The following SASH1 variants were observed in gnomAD, a reference collection of about 807,000 sequenced individuals.
The protein encoded by SASH1 is SAM and SH3 domain containing 1.
In SASH1, 44 loss-of-function variants were observed where a neutral mutation model predicts 125.2. That is an observed-to-expected ratio of 0.35 (90% CI 0.28 to 0.45). The LOEUF (loss-of-function observed/expected upper bound fraction) is 0.45. Ranked by LOEUF, SASH1 falls within the 20% of genes least tolerant of loss-of-function variation. The pLI, the probability that SASH1 is intolerant of heterozygous loss-of-function variation, is 1.00. For synonymous variants in SASH1, 639 were observed against 649.1 expected (o/e 0.98, Z 0.24); for missense variants, 1,426 against 1,614.5 (o/e 0.88, Z 2.00).
intron 8 of SASH1, chr6:148,514,113 T>C (rs1041736943): frequency 1.6e-5 from 21 of 1,307,102 alleles, no homozygotes; most frequent in Non-Finnish European, 1.8e-5. Context: ...AGGATGTGTG[T>C]TTCCGTGCCT....
At chr6:148,543,065 T>G (rs1782328882) in intron 17 of SASH1, among the ~76,000 whole-genome samples, 1 of 152,260 alleles carries the variant, frequency 6.6e-6, no homozygotes, top group African/African-American at 2.4e-5. Context: ...CTAGGACTGT[T>G]GCTTTGCTGG....
the SASH1 span, among the ~76,000 whole-genome samples, chr6:148,234,108 G>T: frequency 6.6e-6 from 1 of 151,744 alleles, no homozygotes; most frequent in Non-Finnish European, 1.5e-5. Context: ...TGCCCTCATA[G>T]ATCACTGCAG....
intron 8 of SASH1, among the ~76,000 whole-genome samples, chr6:148,511,098 C>A (rs1780096331): frequency 6.6e-6 from 1 of 151,876 alleles, no homozygotes; most frequent in African/African-American, 2.4e-5. Flanking sequence ...TCAAGATTTA[C>A]TCTCCAGTTT....
upstream of SASH1, among the ~76,000 whole-genome samples, chr6:148,339,379 T>G (rs779724232): frequency 6.6e-6 from 1 of 151,746 alleles, no homozygotes; most frequent in Non-Finnish European, 1.5e-5. Context: ...CATCAACATT[T>G]CTCCCAAAAC....
intron 2 of SASH1, among the ~76,000 whole-genome samples, chr6:148,421,150 A>G (rs146990602): frequency 0.19 from 9,071 of 46,776 alleles, 357 homozygotes; most frequent in Middle Eastern, 0.22. Flanking sequence ...AGGAAGGAAG[A>G]AAGAAAGAAA....
chr6:148,218,746 G>A, the SASH1 span, among the ~76,000 whole-genome samples: 1 of 152,160 alleles, frequency 6.6e-6, no homozygotes, highest in East Asian at 1.9e-4. Flanking sequence ...CAGTCAGAGG[G>A]ATTTAAATCC....
At chr6:148,390,803 G>A (rs1783683656) in intron 2 of SASH1, among the ~76,000 whole-genome samples, 2 of 151,414 alleles carry the variant, frequency 1.3e-5, no homozygotes, top group African/African-American at 4.9e-5. Flanking sequence ...AAAAAAAATA[G>A]ATTTTTATTT....
intron 2 of SASH1, among the ~76,000 whole-genome samples, chr6:148,403,883 A>G (rs1309075689): frequency 6.6e-6 from 1 of 152,232 alleles, no homozygotes; most frequent in African/African-American, 2.4e-5. Context: ...TGATTCATAT[A>G]CCATAATATT....
intron 17 of SASH1, among the ~76,000 whole-genome samples, chr6:148,540,942 G>A (rs573367464): frequency 2.6e-5 from 4 of 152,240 alleles, no homozygotes; most frequent in East Asian, 1.9e-4. Context: ...CCTGAATGTC[G>A]AGGCAGTTAC....
At chr6:148,419,657 G>A (rs1419487620) in intron 2 of SASH1, among the ~76,000 whole-genome samples, 4 of 152,252 alleles carry the variant, frequency 2.6e-5, no homozygotes, top group South Asian at 2.1e-4. Context: ...CAGACCATCC[G>A]TTTTCTGCCC....
At chr6:148,503,138 A>C (rs1019349311) in intron 8 of SASH1, among the ~76,000 whole-genome samples, 1 of 152,230 alleles carries the variant, frequency 6.6e-6, no homozygotes, top group African/African-American at 2.4e-5. Flanking sequence ...TGTTTAGCAC[A>C]AACATAGATA....
intron 12 of SASH1, among the ~76,000 whole-genome samples, chr6:148,528,260 G>A (rs548693487): frequency 6.6e-6 from 1 of 152,272 alleles, no homozygotes; most frequent in South Asian, 2.1e-4. Context: ...AAGATAGTTG[G>A]AGAGCTGGGC....
chr6:148,370,081 G>A (rs12529165), intron 1 of SASH1, among the ~76,000 whole-genome samples: 4,490 of 146,950 alleles, frequency 0.031, 217 homozygotes, highest in East Asian at 0.19. Context: ...ATAACAAATA[G>A]CATTTTTCTC....
intron 7 of SASH1, 141 bp downstream of exon 7, chr6:148,474,363 A>G (rs1778250120): frequency 1.8e-6 from 1 of 557,466 alleles, no homozygotes; most frequent in Non-Finnish European, 3.2e-6. Flanking sequence ...TGATACAAAC[A>G]TTCTACTTTG....
At chr6:148,356,507 T>TTTTTTTTTTTTTG in intron 1 of SASH1, among the ~76,000 whole-genome samples, 1 of 147,640 alleles carries the variant, frequency 6.8e-6, no homozygotes, top group Admixed American at 6.8e-5. Context: ...TTTTTTTTTT[T>TTTTTTTTTTTTTG]TTTTTTTGAG....
At chr6:148,250,968 G>A in the SASH1 span, among the ~76,000 whole-genome samples, 4 of 152,310 alleles carry the variant, frequency 2.6e-5, no homozygotes, top group East Asian at 3.9e-4. Flanking sequence ...TATTCATAAT[G>A]TGTGCCTAGC....
At chr6:148,469,173 C>T (rs1167074171) in intron 5 of SASH1, 1 of 152,168 alleles carries the variant, frequency 6.6e-6, no homozygotes, top group Non-Finnish European at 1.5e-5. Context: ...CTCAATCAAC[C>T]CTGGCTGCCT....
At chr6:148,319,257 G>T (rs1350825822) in intron 1 of SASH1, among the ~76,000 whole-genome samples, 1 of 150,862 alleles carries the variant, frequency 6.6e-6, no homozygotes, top group Non-Finnish European at 1.5e-5. Flanking sequence ...GGATGGTCTT[G>T]ATCTCCTGAC....
chr6:148,283,038 CTG>C (rs1779386051), intron 1 of SASH1, among the ~76,000 whole-genome samples: 1 of 152,202 alleles, frequency 6.6e-6, no homozygotes, highest in South Asian at 2.1e-4. Context: ...CCCAAGCCAA[CTG>C]CTTCCCAATT....
Sources: allele counts gnomAD v4.1 joint callset (sites outside exome capture counted in the v4.1 genomes callset), GRCh38; gene constraint gnomAD v4.1.1; transcripts MANE v1.5; gene names NCBI Gene and HGNC (gene_info 2026-07-23, HGNC 2026-07-21).